The following DHX34 variants were observed in gnomAD, a reference collection of about 807,000 sequenced individuals.
DHX34 encodes the protein DExH-box helicase 34.
Under a neutral mutation model 111.1 loss-of-function variants are expected in DHX34, and 96 were observed. The observed-to-expected ratio is 0.86, with a 90% CI of 0.73 to 1.02. The LOEUF (loss-of-function observed/expected upper bound fraction) is 1.02. Ranked by LOEUF, DHX34 falls within the 50% of genes least tolerant of loss-of-function variation. DHX34 has a pLI of 0.00. For missense variants in DHX34, 1,560 were observed against 1,579.9 expected, an observed-to-expected ratio of 0.99 and a Z score of 0.21; for synonymous variants, 688 against 670.4, an observed-to-expected ratio of 1.03 and a Z score of -0.41.
intron 7 of DHX34, 40 bp from the exon 8 acceptor site, chr19:47,372,690 C>CTGGCA: frequency 6.5e-7 from 1 of 1,537,666 alleles, no homozygotes; most frequent in Non-Finnish European, 8.8e-7. Flanking sequence ...TGCGCCTGTC[C>CTGGCA]TGGCACCCAG....
rs886313465 is a variant in DHX34 at position 47,379,877 on chromosome 19, G to C, written c.2874G>C (p.Leu958=). Residue 958 remains leucine, a synonymous_variant, in exon 14 of 17, where the codon CTG becomes CTC. Transcript: ENST00000328771. ...ARWESALDRQ[L]AHQAQQQLEE... ...GGGAAAGTGCCCTGGACCGGCAGCT[G>C]GCGCACCAGGCCCAGCAGCAGCTGG... 11 of 1,613,450 alleles carry C rather than the reference G, an allele frequency of 6.8e-6. No individual in the cohort carries two copies. The highest frequency in any genetic ancestry group is 9.3e-6 in the Non-Finnish European group (11 of 1,179,748).
rs113339268 is a variant in DHX34 at position 47,381,946 on chromosome 19, C to T, written c.3299-34C>T. ...GCAGGTAGACCTGTGCACTGGAACA[C>T]GCCCCTCACAGCCTCCTCCTTTTCC... On this transcript the variant is annotated intron_variant, in intron 16 of 16. Transcript: ENST00000328771. The T allele has an allele frequency of 5.0e-6, 8 of 1,613,660 alleles. No individual in the cohort carries two copies. The African/African-American group carries it at 5.3e-5, about 11-fold the overall frequency.
At chr19:47,375,345 G>A in intron 9 of DHX34, 121 bp from the exon 10 acceptor site, 1 of 1,426,762 alleles carries the variant, frequency 7.0e-7, no homozygotes. Context: ...ACCATGCGAG[G>A]GGCTGTTTTC....
intron 4 of DHX34, among the ~76,000 whole-genome samples, chr19:47,358,923 A>AT (rs983865616): frequency 3.3e-5 from 5 of 151,452 alleles, no homozygotes; most frequent in Non-Finnish European, 7.4e-5. Context: ...GCCTCCGTTA[A>AT]TTTTTTTTTG....
At chr19:47,351,249 G>C (rs1385080346) in intron 1 of DHX34, among the ~76,000 whole-genome samples, 1 of 143,498 alleles carries the variant, frequency 7.0e-6, no homozygotes, top group Non-Finnish European at 1.5e-5. Flanking sequence ...CTCAGTCTTG[G>C]CTTCCTGCAA....
In DHX34 at chr19:47,381,254, G is replaced by A. The variant is rs745592252; in HGVS notation, c.3228G>A (p.Ala1076=). 42 of 1,613,934 alleles carry A rather than the reference G, an allele frequency of 2.6e-5. No homozygotes were observed. The highest frequency in any genetic ancestry group is 9.3e-5 in the African/African-American group (7 of 74,916). The change falls in exon 16 of 17, where the codon GCG becomes GCA. Residue 1076 remains alanine, a synonymous_variant. Coordinates refer to ENST00000328771, the MANE Select transcript of DHX34 (RefSeq NM_014681.6). ...CCTGCCCCCACTGTGGCCTGCATGC[G>A]CCCCTCACGCCCCTGGAGCGCATCG... ...FWTCPHCGLH[A]PLTPLERIAH... is the part of the protein sequence containing the mutation.
intron 3 of DHX34, among the ~76,000 whole-genome samples, chr19:47,356,195 G>A (rs537193434): frequency 1.8e-4 from 28 of 152,094 alleles, no homozygotes; most frequent in Middle Eastern, 3.4e-3. Context: ...TTCCCTCTGG[G>A]GCAAAACCAC....
At chr19:47,357,694 GC>G in intron 3 of DHX34, 171 bp from the exon 4 acceptor site, 1 of 956,422 alleles carries the variant, frequency 1.0e-6, no homozygotes. Context: ...GAAAGGAGAA[GC>G]CTGGATCCCT....
intron 13 of DHX34, 63 bp downstream of exon 13, chr19:47,377,269 GGGTGGGGGCACCGCGTGGGCTT>G: frequency 6.5e-7 from 1 of 1,536,730 alleles, no homozygotes; most frequent in Non-Finnish European, 8.8e-7. Context: ...CCAGGGTGGT[GGGTGGGGGCACCGCGTGGGCTT>G]GGAGGGGCCA....
intron 7 of DHX34, chr19:47,372,470 A>G (rs2252532): frequency 0.26 from 98,788 of 386,930 alleles, 19,736 homozygotes; most frequent in African/African-American, 0.74. Context: ...CTTAGACAGT[A>G]TCTCCTGTGT....
At chr19:47,351,171 C>CTTTTTTTTTTTTTTTTTTTTTTT (rs955543104) in intron 1 of DHX34, among the ~76,000 whole-genome samples, 1 of 93,080 alleles carries the variant, frequency 1.1e-5, no homozygotes, top group African/African-American at 4.4e-5. Context: ...TTTTCTTTTT[C>CTTTTTTTTTTTTTTTTTTTTTTT]TTTTTTTTTT....
rs751316119 is a variant in DHX34, at chr19:47,353,189, T to C, written c.159T>C (p.Gly53=). Residue 53 remains glycine, a synonymous_variant, in exon 2 of 17, where the codon GGT becomes GGC. Coordinates refer to ENST00000328771, the MANE Select transcript of DHX34 (RefSeq NM_014681.6). The surrounding 1 kb of genome is among the most constrained non-coding windows in gnomAD (Gnocchi z 4.6). ...GTGAAGAGGATTACATCCGTCAGGG[T>C]TCTGAGGAATGTCAGAAGTTTTGGA... is the stretch of plus-strand genomic sequence containing the variant. ...FFREEDYIRQ[G]SEECQKFWTF... 1.9e-5 allele frequency: 31 copies of C among 1,614,102 alleles called. No individual in the cohort carries two copies. The highest frequency in any genetic ancestry group is 2.5e-5 in the Non-Finnish European group (29 of 1,180,020).
intron 1 of DHX34, among the ~76,000 whole-genome samples, chr19:47,350,457 T>C (rs1969251784): frequency 1.3e-5 from 2 of 151,732 alleles, no homozygotes; most frequent in Admixed American, 1.3e-4. Flanking sequence ...GTTTCGCTCT[T>C]GTTGCCCAGG....
At chr19:47,373,051 T>C in intron 8 of DHX34, 128 bp downstream of exon 8, 2 of 1,227,732 alleles carry the variant, frequency 1.6e-6, no homozygotes, top group Admixed American at 3.0e-5. Flanking sequence ...CCCCACAGAC[T>C]GGGCCTGCCT....
intron 7 of DHX34, among the ~76,000 whole-genome samples, chr19:47,368,298 C>CTTTTTT (rs71180827): frequency 6.5e-5 from 3 of 46,070 alleles, no homozygotes; most frequent in Admixed American, 3.2e-4. Context: ...TCATTAAATC[C>CTTTTTT]TTTTTTTTTT....
Position 47,357,976 on chromosome 19 carries a change from G to A in DHX34, c.1128G>A (p.Glu376=), listed in dbSNP as rs1969509170. ...LESIDHKYPP[E]ERGDLLVFLS... ...CCATTGACCACAAGTACCCGCCTGA[G>A]GAGCGGGGTGACCTCCTCGTCTTCC... The change falls in exon 4 of 17, where the codon GAG becomes GAA. Residue 376 remains glutamate, a synonymous_variant. Coordinates refer to ENST00000328771, the MANE Select transcript of DHX34 (RefSeq NM_014681.6). 6.2e-7 allele frequency: 1 copy of A among 1,614,000 alleles called. No homozygotes were observed.
At chr19:47,373,402 C>A in intron 8 of DHX34, 197 bp from the exon 9 acceptor site, 1 of 896,908 alleles carries the variant, frequency 1.1e-6, no homozygotes, top group Non-Finnish European at 1.3e-6. Context: ...GCTGGGACAA[C>A]CCAGCGGGGC....
At chr19:47,380,037 T>A in intron 14 of DHX34, 52 bp downstream of exon 14, 1 of 1,525,442 alleles carries the variant, frequency 6.6e-7, no homozygotes, top group Non-Finnish European at 8.8e-7. Context: ...GGGGCATCCG[T>A]CACTGGGCTT....
chr19:47,360,100 AC>A (rs1312938271), intron 5 of DHX34, 30 bp downstream of exon 5: 1 of 1,607,260 alleles, frequency 6.2e-7, no homozygotes, highest in African/African-American at 1.3e-5. Context: ...CCTACCCACC[AC>A]CCCCAAGGAC....
Sources: gnomAD v4.1 joint callset for allele counts (sites outside exome capture counted in the v4.1 genomes callset) on GRCh38, gnomAD v4.1.1 for gene constraint, Gnocchi (gnomAD v3.1) non-coding constraint, MANE v1.5 for transcripts, NCBI Gene and HGNC (gene_info 2026-07-23, HGNC 2026-07-21) for gene names.